Variants in ZBTB20 observed in about 807,000 individuals in gnomAD.
ZBTB20 encodes zinc finger and BTB domain containing 20.
In ZBTB20, 9 loss-of-function variants were observed where a neutral mutation model predicts 56.9. The observed-to-expected ratio is 0.16, with a 90% confidence interval of 0.10 to 0.28. The LOEUF is 0.28. Ranked by LOEUF, ZBTB20 falls within the 10% of genes least tolerant of loss-of-function variation. The pLI is 1.00. For missense variants in ZBTB20, 655 were observed against 1,003.0 expected (o/e 0.65, Z 4.69); for synonymous variants, 417 against 420.7 (o/e 0.99, Z 0.11).
intron 6 of ZBTB20, among the ~76,000 whole-genome samples, chr3:114,575,305 T>C (rs1232155024): frequency 6.6e-6 from 1 of 152,192 alleles, no homozygotes; most frequent in Non-Finnish European, 1.5e-5. Context: ...ATGAATAATA[T>C]GTACTTCTTA....
At chr3:114,399,690 C>T (rs531535743) in intron 7 of ZBTB20, among the ~76,000 whole-genome samples, 1 of 152,160 alleles carries the variant, frequency 6.6e-6, no homozygotes, top group South Asian at 2.1e-4. Context: ...GCCACCGGGG[C>T]AAGACTGCTA....
At chr3:114,919,342 G>C (rs1181686634) in intron 3 of ZBTB20, among the ~76,000 whole-genome samples, 1 of 152,028 alleles carries the variant, frequency 6.6e-6, no homozygotes, top group Admixed American at 6.6e-5. Flanking sequence ...ACAAAAAATA[G>C]AGACATGAAT....
intron 1 of ZBTB20, among the ~76,000 whole-genome samples, chr3:115,138,232 T>A (rs1205426902): frequency 6.6e-6 from 1 of 152,114 alleles, no homozygotes; most frequent in African/African-American, 2.4e-5. Flanking sequence ...TCCTTTGTCC[T>A]GCTCCTACCC....
chr3:114,614,441 GCTGT>G (rs1456468809), intron 6 of ZBTB20, among the ~76,000 whole-genome samples: 3 of 152,132 alleles, frequency 2.0e-5, no homozygotes, highest in Non-Finnish European at 2.9e-5. Context: ...GGTAAGTGTG[GCTGT>G]CTATCTCTTC....
chr3:114,975,262 T>G (rs2078049039), intron 2 of ZBTB20, among the ~76,000 whole-genome samples: 1 of 152,156 alleles, frequency 6.6e-6, no homozygotes, highest in South Asian at 2.1e-4. Context: ...TAGAAAATGA[T>G]CTCTCTAAAT....
At chr3:115,003,410 G>A (rs1175796901) in intron 2 of ZBTB20, among the ~76,000 whole-genome samples, 1 of 144,740 alleles carries the variant, frequency 6.9e-6, no homozygotes, top group African/African-American at 2.5e-5. Context: ...TTCTCCCCAG[G>A]TTTTTTTTTT....
At chr3:114,659,722 G>C (rs1361184987) in intron 6 of ZBTB20, among the ~76,000 whole-genome samples, 1 of 152,158 alleles carries the variant, frequency 6.6e-6, no homozygotes, top group Non-Finnish European at 1.5e-5. Flanking sequence ...TTCTTTTAGG[G>C]AGAACAGTCT....
At chr3:114,742,746 G>T (rs2066707417) in intron 5 of ZBTB20, among the ~76,000 whole-genome samples, 1 of 152,132 alleles carries the variant, frequency 6.6e-6, no homozygotes. Context: ...CACATTAGAA[G>T]CACCTGGCAA....
intron 2 of ZBTB20, among the ~76,000 whole-genome samples, chr3:115,009,008 T>G (rs765729862): frequency 2.0e-5 from 3 of 151,916 alleles, no homozygotes; most frequent in Non-Finnish European, 4.4e-5. Flanking sequence ...TATGTGTGTA[T>G]GTAAGATTGA....
At chr3:114,807,024 G>A (rs973470562) in intron 4 of ZBTB20, among the ~76,000 whole-genome samples, 1 of 151,786 alleles carries the variant, frequency 6.6e-6, no homozygotes, top group Non-Finnish European at 1.5e-5. Flanking sequence ...GAAATTGTAC[G>A]TTATCTAATT....
chr3:114,639,001 T>C (rs2059419468), intron 6 of ZBTB20, among the ~76,000 whole-genome samples: 1 of 152,088 alleles, frequency 6.6e-6, no homozygotes, highest in African/African-American at 2.4e-5. Flanking sequence ...ACTTTTTCTC[T>C]GTCCTTTAGG....
intron 6 of ZBTB20, chr3:114,688,073 T>C (rs2062456994): frequency 6.6e-6 from 1 of 151,972 alleles, no homozygotes; most frequent in South Asian, 2.1e-4. Flanking sequence ...CTACTAAAAA[T>C]ACAAAAATTA....
rs533177986 is a variant in ZBTB20 at position 114,949,522 on chromosome 3, C to T, written c.-456+24844G>A. On this transcript the variant is annotated intron_variant, in intron 3 of 11. Transcript: ENST00000675478. ...GCGGCTCATGCCTGTAATCCCAGCA[C>T]TTTGGGAGGCCAAGGTGGCCAGATC... Among the ~76,000 whole-genome samples the T allele has an allele frequency of 1.4e-5, 2 of 146,314 alleles. 1 individual carries two copies. Among genetic ancestry groups the T allele is most frequent in the African/African-American group, 5.5e-5 (2 of 36,040 alleles).
At chr3:114,821,601 C>G (rs1450157268) in intron 4 of ZBTB20, among the ~76,000 whole-genome samples, 3 of 152,066 alleles carry the variant, frequency 2.0e-5, no homozygotes, top group African/African-American at 7.2e-5. Flanking sequence ...TTGCGCCCGA[C>G]CCTACCATCT....
chr3:114,468,015 G>A (rs2092618082), intron 7 of ZBTB20, among the ~76,000 whole-genome samples: 1 of 152,090 alleles, frequency 6.6e-6, no homozygotes, highest in South Asian at 2.1e-4. Context: ...AGTTTTTGTG[G>A]TCATGTTATT....
At position 114,350,359 on chromosome 3, in the gene ZBTB20, G is replaced by A. The variant is rs373684972; in HGVS notation, c.1719C>T (p.Gly573=). The A allele has an allele frequency of 3.1e-6, 5 of 1,613,836 alleles. No homozygotes were observed. The highest frequency in any genetic ancestry group is 2.2e-5 in the South Asian group (2 of 91,058). The change falls in exon 11 of 12, where the codon GGC becomes GGT. Residue 573 remains glycine, a synonymous_variant. Coordinates refer to ENST00000675478, the MANE Select transcript of ZBTB20 (RefSeq NM_001348800.3). ...SAGHSTASGQ[G]EKKPYECTLC... Reference sequence around the variant, plus strand: ...GAGTGCACTCATAAGGCTTTTTTTCGCCTTGCCCACTGGCTGTGCTGTGGC... The same window carrying A: ...GAGTGCACTCATAAGGCTTTTTTTCACCTTGCCCACTGGCTGTGCTGTGGC...
rs1483695623 is a variant in ZBTB20, at chr3:114,515,481, G to T, written c.-294-15090C>A. On this transcript the variant is annotated intron_variant, in intron 6 of 11. Transcript: ENST00000675478. ...AGCTTGATGCTCCTGCAGAATTACG[G>T]TTTCCAGCATAAGTTCGAATTTCAG... Among the ~76,000 whole-genome samples, 7 of 152,292 alleles carry T rather than the reference G, an allele frequency of 4.6e-5. No individual in the cohort carries two copies. In the East Asian group the frequency reaches 1.4e-3, roughly 29 times the overall value.
chr3:114,813,714 G>A lies in ZBTB20; in HGVS notation c.-416-12540C>T, dbSNP rs532859796. Among the ~76,000 whole-genome samples the A allele has an allele frequency of 1.1e-4, 16 of 152,326 alleles. No individual in the cohort carries two copies. The South Asian group carries it at 3.1e-3, about 30-fold the overall frequency. ...TGCAGTGAGTCAAGATGGCACCACT[G>A]CACTCCAGCCTGGGTGACAGAGTGA... is the stretch of plus-strand genomic sequence containing the variant. On this transcript the variant is annotated intron_variant, in intron 4 of 11. Coordinates refer to ENST00000675478, the MANE Select transcript of ZBTB20 (RefSeq NM_001348800.3).
At chr3:114,359,683 T>C (rs1306278382) in intron 10 of ZBTB20, among the ~76,000 whole-genome samples, 2 of 152,156 alleles carry the variant, frequency 1.3e-5, no homozygotes, top group Non-Finnish European at 2.9e-5. Flanking sequence ...CATCCGTGGG[T>C]GGTATACAAA....
Sources: gnomAD v4.1 joint callset for allele counts (sites outside exome capture counted in the v4.1 genomes callset) on GRCh38, gnomAD v4.1.1 for gene constraint, MANE v1.5 for transcripts, NCBI Gene and HGNC (gene_info 2026-07-23, HGNC 2026-07-21) for gene names.